The following MINAR2 variants were observed in gnomAD, a reference collection of about 807,000 sequenced individuals.
MINAR2 encodes the protein major intrinsically disordered NOTCH2-binding receptor 1-like.
In MINAR2, 21 loss-of-function variants were observed where a neutral mutation model predicts 16.1. The observed-to-expected ratio is 1.31, with a 90% CI of 0.93 to 1.88. The LOEUF (loss-of-function observed/expected upper bound fraction) is 1.88. Among genes scored for constraint, MINAR2 ranks in the 40% most tolerant of loss-of-function variants. The probability of loss-of-function intolerance (pLI) is 0.00; values close to 1 mark genes in which losing one functional copy is unlikely to be tolerated. For synonymous variants in MINAR2, 86 were observed against 83.0 expected (o/e 1.04, Z -0.20); for missense variants, 259 against 229.8 (o/e 1.13, Z -0.82).
chr5:129,760,467 A>G lies in MINAR2; in HGVS notation c.255A>G (p.Ser85=), dbSNP rs768086474. ...VTADSPPPSM[S]SVMKNNPLYG... is the part of the protein sequence containing the mutation. ...CTGATAGCCCCCCACCATCCATGTC[A>G]TCAGTTATGAAGAATAACCCACTCT... is the stretch of plus-strand genomic sequence containing the variant. Residue 85 remains serine (S), a synonymous_variant, in exon 2 of 3, where the codon TCA becomes TCG. Coordinates refer to ENST00000564719, the MANE Select transcript of MINAR2 (RefSeq NM_001257308.2). 41 of 1,535,774 alleles carry G rather than the reference A, an allele frequency of 2.7e-5. No individual in the cohort carries two copies. The highest frequency in any genetic ancestry group is 3.5e-5 in the Non-Finnish European group (40 of 1,146,618).
At chr5:129,756,655 T>C (rs1255843235) in intron 1 of MINAR2, among the ~76,000 whole-genome samples, 3 of 152,096 alleles carry the variant, frequency 2.0e-5, no homozygotes, top group Non-Finnish European at 4.4e-5. Flanking sequence ...TAATGATTAT[T>C]TTGCATGCTT....
intron 1 of MINAR2, among the ~76,000 whole-genome samples, chr5:129,751,749 T>A (rs1394071651): frequency 1.3e-5 from 2 of 152,186 alleles, no homozygotes. Flanking sequence ...TTTCTACCTG[T>A]TAGATTAATT....
At chr5:129,758,356 A>C (rs1758081948) in intron 1 of MINAR2, among the ~76,000 whole-genome samples, 1 of 151,992 alleles carries the variant, frequency 6.6e-6, no homozygotes, top group South Asian at 2.1e-4. Context: ...TTTTGTGATT[A>C]AATTCATAAT....
Position 129,765,133 on chromosome 5 carries a change from C to G in MINAR2, c.*70C>G. ...TTCTGATAAACATTTGAAACCCCCC[C>G]CACCAAAATAACAAAAAAACACATG... On this transcript the variant is annotated 3_prime_UTR_variant, in exon 3 of 3. Coordinates refer to ENST00000564719, the MANE Select transcript of MINAR2 (RefSeq NM_001257308.2). The G allele has an allele frequency of 1.1e-6, 1 of 910,938 alleles. No homozygotes were observed. The highest frequency in any genetic ancestry group is 1.7e-5 in the African/African-American group (1 of 58,930). 56.4% of individuals were successfully genotyped at this position (910,938 alleles called of 1,614,324 possible).
Position 129,748,101 on chromosome 5 carries a change from G to A in MINAR2, c.-90G>A. The A allele has an allele frequency of 2.4e-6, 3 of 1,257,076 alleles. No homozygotes were observed. Among genetic ancestry groups the A allele is most frequent in the South Asian group, 2.9e-5 (2 of 68,108 alleles). The allele number at this position is 1,257,076 out of a possible 1,614,324, so 77.9% of individuals were successfully genotyped here. A position where few individuals can be genotyped will look rare whatever the true frequency, so the allele number is the denominator to read the frequency against. On this transcript the variant is annotated 5_prime_UTR_variant, in exon 1 of 3. Transcript: ENST00000564719. ...GCTGAGAGACTTGGTTTCAGATGCA[G>A]TCAGAGCATCCTCAGGCACATTAAT...
intron 2 of MINAR2, 45 bp from the exon 3 acceptor site, chr5:129,764,839 G>T: frequency 9.5e-7 from 1 of 1,056,086 alleles, no homozygotes; most frequent in South Asian, 3.7e-5. Context: ...TTGTAACACT[G>T]ACTGATTACT....
At chr5:129,755,406 T>G (rs1417598776) in intron 1 of MINAR2, among the ~76,000 whole-genome samples, 1 of 152,114 alleles carries the variant, frequency 6.6e-6, no homozygotes, top group Non-Finnish European at 1.5e-5. Context: ...ATAAATTATA[T>G]ATTTTGAGAA....
intron 1 of MINAR2, among the ~76,000 whole-genome samples, chr5:129,759,732 A>T (rs1189695677): frequency 9.9e-5 from 15 of 152,100 alleles, no homozygotes; most frequent in African/African-American, 2.4e-5. Flanking sequence ...TTGGTTTGCA[A>T]GAATTTATAG....
rs539868579 is a variant in MINAR2 at position 129,765,947 on chromosome 5, G to T, written c.*884G>T. ...AGGAATGATATTACCTGCCCAACAG[G>T]GCTGGCCAAAGGACCAAATACAAAA... is the stretch of plus-strand genomic sequence containing the variant. On this transcript the variant is annotated 3_prime_UTR_variant, in exon 3 of 3. Coordinates refer to ENST00000564719, the MANE Select transcript of MINAR2 (RefSeq NM_001257308.2). The T allele has an allele frequency of 1.3e-5, 2 of 152,162 alleles. No individual in the cohort carries two copies. Among genetic ancestry groups the T allele is most frequent in the Non-Finnish European group, 2.9e-5 (2 of 68,038 alleles). The allele number at this position is 152,162 out of a possible 1,614,324, so 9.4% of individuals were successfully genotyped here. A position where few individuals can be genotyped will look rare whatever the true frequency, so the allele number is the denominator to read the frequency against.
chr5:129,763,838 T>C (rs1758170888), intron 2 of MINAR2, among the ~76,000 whole-genome samples: 1 of 152,226 alleles, frequency 6.6e-6, no homozygotes, highest in South Asian at 2.1e-4. Context: ...AGCTAGTTCA[T>C]TGACCCCTGA....
At chr5:129,761,103 G>A (rs1221425767) in intron 2 of MINAR2, among the ~76,000 whole-genome samples, 1 of 152,116 alleles carries the variant, frequency 6.6e-6, no homozygotes, top group South Asian at 2.1e-4. Flanking sequence ...TTATTTTCCT[G>A]TGTCTCAGTA....
chr5:129,749,854 AT>A (rs1554113376), intron 1 of MINAR2, among the ~76,000 whole-genome samples: 1 of 152,182 alleles, frequency 6.6e-6, no homozygotes, highest in Non-Finnish European at 1.5e-5. Context: ...TGAAATGCAA[AT>A]TTTTAAAAGG....
At chr5:129,755,353 C>T (rs1758041761) in intron 1 of MINAR2, among the ~76,000 whole-genome samples, 2 of 151,968 alleles carry the variant, frequency 1.3e-5, no homozygotes, top group African/African-American at 4.8e-5. Flanking sequence ...CAAAAGTGAG[C>T]TGGGGATTGT....
At chr5:129,759,306 G>A (rs906077033) in intron 1 of MINAR2, among the ~76,000 whole-genome samples, 1 of 151,944 alleles carries the variant, frequency 6.6e-6, no homozygotes, top group Non-Finnish European at 1.5e-5. Context: ...TCTTTTTAAA[G>A]ATTAAAGATT....
intron 1 of MINAR2, among the ~76,000 whole-genome samples, chr5:129,753,876 T>C (rs1309340145): frequency 6.6e-6 from 1 of 151,956 alleles, no homozygotes; most frequent in Non-Finnish European, 1.5e-5. Context: ...TACTGCACAA[T>C]ACAATCATTT....
chr5:129,762,572 A>C (rs1758151083), intron 2 of MINAR2: 4 of 349,562 alleles, frequency 1.1e-5, no homozygotes, highest in Non-Finnish European at 1.7e-5. Flanking sequence ...TCTTTGTGGA[A>C]TTAGTCCATC....
chr5:129,764,815 C>T, intron 2 of MINAR2, 69 bp from the exon 3 acceptor site: 1 of 860,290 alleles, frequency 1.2e-6, no homozygotes, highest in Non-Finnish European at 1.6e-6. Flanking sequence ...TCTTGTTCTG[C>T]AATCTCAATT....
At chr5:129,754,706 T>C (rs576580782) in intron 1 of MINAR2, among the ~76,000 whole-genome samples, 2 of 152,302 alleles carry the variant, frequency 1.3e-5, no homozygotes, top group East Asian at 1.9e-4. Context: ...GCATTACTCA[T>C]GCATACTATT....
rs770785950 is a variant in MINAR2 at position 129,760,553 on chromosome 5, T to C, written c.341T>C (p.Ile114Thr). The C allele has an allele frequency of 2.4e-5, 37 of 1,535,382 alleles. No homozygotes were observed. The African/African-American group carries it at 3.3e-4, about 14-fold the overall frequency. The change falls in exon 2 of 3, where the codon ATT (isoleucine) becomes ACT (threonine). Residue 114 changes from isoleucine (I) to threonine (T), a missense_variant. Ile to Thr is a moderately conservative substitution (Grantham distance 89). Coordinates refer to ENST00000564719, the MANE Select transcript of MINAR2 (RefSeq NM_001257308.2). ...AGAAAAAAGAACCCCTCATGGACCATTGAGGAATATGACAAACATTCCCTG... is the reference window on the plus strand; with the variant it reads ...AGAAAAAAGAACCCCTCATGGACCACTGAGGAATATGACAAACATTCCCTG... ...EERKKNPSWT[I>T]EEYDKHSLHT...
Sources: allele counts gnomAD v4.1 joint callset (sites outside exome capture counted in the v4.1 genomes callset), GRCh38; gene constraint gnomAD v4.1.1; transcripts MANE v1.5; gene names NCBI Gene and HGNC (gene_info 2026-07-23, HGNC 2026-07-21).